The following FAM78B variants were observed in gnomAD, a reference collection of about 807,000 sequenced individuals.
FAM78B encodes family with sequence similarity 78 member B.
In FAM78B, 10 loss-of-function variants were observed where a neutral mutation model predicts 20.0. The observed-to-expected ratio is 0.50, with a 90% CI of 0.31 to 0.85. The LOEUF is 0.85. Ranked by LOEUF, FAM78B falls within the 40% of genes least tolerant of loss-of-function variation. FAM78B has a pLI of 0.05. For missense variants in FAM78B, 283 were observed against 345.0 expected (o/e 0.82, Z 1.42); for synonymous variants, 135 against 132.8 (o/e 1.02, Z -0.12).
At chr1:166,083,197 TTATC>T (rs1333574519) in intron 1 of FAM78B, among the ~76,000 whole-genome samples, 1 of 152,268 alleles carries the variant, frequency 6.6e-6, no homozygotes, top group Non-Finnish European at 1.5e-5. Flanking sequence ...TGAAAAGTGC[TTATC>T]TATAGTTGTG....
At chr1:166,147,546 T>A (rs563708377) in intron 1 of FAM78B, among the ~76,000 whole-genome samples, 3 of 152,330 alleles carry the variant, frequency 2.0e-5, no homozygotes, top group African/African-American at 7.2e-5. Flanking sequence ...TTCCCCGTGC[T>A]CAGACAGTTA....
chr1:166,109,870 ATATATATATATGTATATATG>A (rs1653960061), intron 1 of FAM78B, among the ~76,000 whole-genome samples: 1 of 11,478 alleles, frequency 8.7e-5, no homozygotes, highest in Non-Finnish European at 2.0e-4. Context: ...ATGTATGTGT[ATATATATATATGTATATATG>A]TATATATATA....
chr1:166,128,806 GTAGA>G (rs1654736622), intron 1 of FAM78B, among the ~76,000 whole-genome samples: 1 of 152,162 alleles, frequency 6.6e-6, no homozygotes, highest in Non-Finnish European at 1.5e-5. Context: ...TGGCTGGTTA[GTAGA>G]TAAATATTAA....
chr1:166,072,188 C>T (rs1003700071), intron 1 of FAM78B, among the ~76,000 whole-genome samples: 8 of 152,260 alleles, frequency 5.3e-5, no homozygotes, highest in African/African-American at 1.4e-4. Flanking sequence ...TGATTAACAT[C>T]TCAGCACCCT....
At chr1:166,091,090 AG>A (rs1279889450) in intron 1 of FAM78B, among the ~76,000 whole-genome samples, 2 of 152,208 alleles carry the variant, frequency 1.3e-5, no homozygotes, top group Admixed American at 1.3e-4. Context: ...GCAGCAGAGG[AG>A]GAAGCAGCAT....
intron 1 of FAM78B, among the ~76,000 whole-genome samples, chr1:166,161,309 G>A (rs1472389799): frequency 1.3e-5 from 2 of 152,146 alleles, no homozygotes; most frequent in African/African-American, 4.8e-5. Context: ...ACCATGCCCA[G>A]CTACTTTTTG....
chr1:166,066,761 AT>A (rs5778482), downstream of FAM78B, among the ~76,000 whole-genome samples: 84 of 110,702 alleles, frequency 7.6e-4, no homozygotes, highest in African/African-American at 2.0e-3. Flanking sequence ...GACCTATGAG[AT>A]TATCATTCCA....
intron 2 of FAM78B, among the ~76,000 whole-genome samples, chr1:166,062,636 C>T (rs933754914): frequency 5.3e-5 from 8 of 152,306 alleles, no homozygotes; most frequent in African/African-American, 1.9e-4. Context: ...CCTCTCAGTC[C>T]CTGCTCATCT....
intron 1 of FAM78B, among the ~76,000 whole-genome samples, chr1:166,153,996 T>C (rs965784035): frequency 6.6e-6 from 1 of 152,042 alleles, no homozygotes; most frequent in Non-Finnish European, 1.5e-5. Flanking sequence ...AACAAAACAA[T>C]GACAAAAGAA....
Position 166,070,664 on chromosome 1 carries a change from A to G in FAM78B, c.363T>C (p.Thr121=), listed in dbSNP as rs1359618326. 3.1e-6 allele frequency: 5 copies of G among 1,613,672 alleles called. No homozygotes were observed. The highest frequency in any genetic ancestry group is 4.2e-6 in the Non-Finnish European group (5 of 1,180,024). ...SYPWYGNTTE[T]VTLVGPTNKI... ...TGTTGGTGGGGCCAACCAGGGTCAC[A>G]GTTTCTGTGGTGTTCCCGTACCAAG... Residue 121 remains threonine (T), a synonymous_variant, in exon 2 of 2, where the codon ACT becomes ACC. Coordinates refer to ENST00000354422, the MANE Select transcript of FAM78B (RefSeq NM_001017961.5).
chr1:166,113,469 T>C lies in FAM78B; in HGVS notation c.264-42706A>G, dbSNP rs1316398308. 3.3e-5 allele frequency among the ~76,000 whole-genome samples: 5 copies of C among 152,346 alleles called. No individual in the cohort carries two copies. The South Asian group carries it at 6.2e-4, about 19-fold the overall frequency. On this transcript the variant is annotated intron_variant, in intron 1 of 1. Coordinates refer to ENST00000354422, the MANE Select transcript of FAM78B (RefSeq NM_001017961.5). Reference sequence around the variant, plus strand: ...AGCACGTGTGAAAGCCTTACAAACATTAGCGACTAAGCATACAACTAAATT... The same window carrying C: ...AGCACGTGTGAAAGCCTTACAAACACTAGCGACTAAGCATACAACTAAATT...
chr1:166,136,440 G>C (rs534996405), intron 1 of FAM78B, among the ~76,000 whole-genome samples: 65 of 152,236 alleles, frequency 4.3e-4, no homozygotes, highest in African/African-American at 1.5e-3. Flanking sequence ...AGTGACGTAG[G>C]TAACAGAGCA....
At chr1:166,058,379 G>A (rs1651433890) in exon 3 of FAM78B, 1 of 152,090 alleles carries the variant, frequency 6.6e-6, no homozygotes, top group Non-Finnish European at 1.5e-5. Context: ...GGACGCTGGA[G>A]AGGGAATGGC....
intron 1 of FAM78B, among the ~76,000 whole-genome samples, chr1:166,081,775 G>A (rs1438481023): frequency 1.3e-5 from 2 of 152,208 alleles, no homozygotes; most frequent in Non-Finnish European, 2.9e-5. Flanking sequence ...TGGAGGTAGA[G>A]GTCAGCAGGC....
chr1:166,083,935 T>C (rs1652686886), intron 1 of FAM78B, among the ~76,000 whole-genome samples: 1 of 151,704 alleles, frequency 6.6e-6, no homozygotes, highest in South Asian at 2.1e-4. Flanking sequence ...GTTGGCTGGC[T>C]GGGACCTGAG....
At chr1:166,088,314 A>G (rs1652917654) in intron 1 of FAM78B, among the ~76,000 whole-genome samples, 1 of 152,156 alleles carries the variant, frequency 6.6e-6, no homozygotes, top group African/African-American at 2.4e-5. Flanking sequence ...TGGATTCAAA[A>G]GGAACACCAG....
chr1:166,118,065 C>G (rs1478042333), intron 1 of FAM78B, among the ~76,000 whole-genome samples: 4 of 152,138 alleles, frequency 2.6e-5, no homozygotes, highest in Non-Finnish European at 4.4e-5. Context: ...ACCACAGCTC[C>G]ACTCCTGGAG....
At chr1:166,066,595 A>G (rs1651803423), downstream of FAM78B, among the ~76,000 whole-genome samples, 1 of 152,192 alleles carries the variant, frequency 6.6e-6, no homozygotes, top group South Asian at 2.1e-4. Flanking sequence ...TTTGGTCTCA[A>G]TTTATTATCT....
chr1:166,072,874 C>T (rs953316634), intron 1 of FAM78B, among the ~76,000 whole-genome samples: 17 of 152,172 alleles, frequency 1.1e-4, no homozygotes, highest in African/African-American at 3.4e-4. Flanking sequence ...ACAACACAGT[C>T]CTTTTCAGGC....
Sources: allele counts gnomAD v4.1 joint callset (sites outside exome capture counted in the v4.1 genomes callset), GRCh38; gene constraint gnomAD v4.1.1; transcripts MANE v1.5; gene names NCBI Gene and HGNC (gene_info 2026-07-23, HGNC 2026-07-21).